The following DENND2B variants were observed in gnomAD, a reference collection of about 807,000 sequenced individuals.
The protein encoded by DENND2B is DENN domain containing 2B.
In DENND2B, 32 loss-of-function variants were observed where a neutral mutation model predicts 116.0. That is an observed-to-expected ratio of 0.28 (90% CI 0.21 to 0.37). The LOEUF is 0.37. DENND2B is among the 10% of genes least tolerant of loss of function. The pLI, the probability that DENND2B is intolerant of heterozygous loss-of-function variation, is 1.00. For missense variants in DENND2B, 1,276 were observed against 1,477.7 expected (o/e 0.86, Z 2.24); for synonymous variants, 588 against 583.9 (o/e 1.01, Z -0.10).
At chr11:8,851,406 T>C (rs986653245) in intron 3 of DENND2B, among the ~76,000 whole-genome samples, 5 of 152,186 alleles carry the variant, frequency 3.3e-5, no homozygotes, top group African/African-American at 7.2e-5. Flanking sequence ...TCAAGCTCCA[T>C]AGCAATCCAA....
chr11:8,903,474 T>TAA (rs35974143), intron 1 of DENND2B, among the ~76,000 whole-genome samples: 281 of 116,250 alleles, frequency 2.4e-3, no homozygotes, highest in African/African-American at 8.2e-3. Flanking sequence ...ACCAAGATGT[T>TAA]AAAAAAAAAA....
In DENND2B at chr11:8,849,322, G is replaced by T. The variant is rs2568052; in HGVS notation, c.-156+8021C>A. Among the ~76,000 whole-genome samples, 255 of 151,432 alleles carry T rather than the reference G, an allele frequency of 1.7e-3. 1 individual carries two copies. The highest frequency in any genetic ancestry group is 5.5e-3 in the East Asian group (28 of 5,108). On this transcript the variant is annotated intron_variant, in intron 3 of 6. Transcript: ENST00000524757. ...AGCCTGACCAACGTGGTGAAACCCC[G>T]TCTCTACTAAAAACACAAAAATTTG...
intron 4 of DENND2B, among the ~76,000 whole-genome samples, chr11:8,833,550 C>T (rs942149638): frequency 2.0e-5 from 3 of 152,112 alleles, no homozygotes; most frequent in Admixed American, 6.5e-5. Flanking sequence ...TATAGACACA[C>T]GTCTGTTCTT....
chr11:8,881,653 A>G (rs1594335653), intron 1 of DENND2B, among the ~76,000 whole-genome samples: 1 of 152,162 alleles, frequency 6.6e-6, no homozygotes, highest in South Asian at 2.1e-4. Flanking sequence ...CTTGTGCCTC[A>G]GCCTCCTGAG....
At position 8,696,656 on chromosome 11, in the gene DENND2B, G is replaced by A. The variant is rs148715601; in HGVS notation, c.3063C>T (p.Thr1021=). 347 of 1,613,768 alleles carry A rather than the reference G, an allele frequency of 2.2e-4. No homozygotes were observed. The highest frequency in any genetic ancestry group is 2.6e-4 in the Non-Finnish European group (306 of 1,179,866). ...ACACCTCCGACACCAGCCCATTGAGGGTATTACATTCTGGAAGGGAAAAGA... is the reference window on the plus strand; with the variant it reads ...ACACCTCCGACACCAGCCCATTGAGAGTATTACATTCTGGAAGGGAAAAGA... The part of the protein sequence containing the change: ...SDSDSDDECN[T]LNGLVSEVFI... The change falls in exon 18 of 20, where the codon ACC becomes ACT. Residue 1021 remains threonine, a synonymous_variant. Transcript: ENST00000313726.
upstream of DENND2B, among the ~76,000 whole-genome samples, chr11:8,812,997 T>C (rs1221011078): frequency 6.6e-6 from 1 of 151,274 alleles, no homozygotes. Flanking sequence ...TTGCCCAGGC[T>C]GGTCTTGAAC....
intron 3 of DENND2B, among the ~76,000 whole-genome samples, chr11:8,847,993 G>A (rs7952562): frequency 0.031 from 4,711 of 152,176 alleles, 236 homozygotes; most frequent in African/African-American, 0.11. Flanking sequence ...TTTGCTCTGA[G>A]TACAAAAGAT....
Position 8,730,614 on chromosome 11 carries a change from G to C in DENND2B, c.676C>G (p.Arg226Gly). 6.2e-7 allele frequency: 1 copy of C among 1,613,032 alleles called. No homozygotes were observed. Among genetic ancestry groups the C allele is most frequent in the Non-Finnish European group, 8.5e-7 (1 of 1,179,994 alleles). Reference protein sequence around the residue: ...SEKTFDFKGLRRMSRTFSECS... With the variant: ...SEKTFDFKGLGRMSRTFSECS... Reference sequence around the variant, plus strand: ...TCGGAGAAGGTCCTGCTCATCCTCCGGAGGCCCTTGAAATCAAAGGTCTTT... The same window carrying C: ...TCGGAGAAGGTCCTGCTCATCCTCCCGAGGCCCTTGAAATCAAAGGTCTTT... Residue 226 changes from arginine to glycine, a missense_variant, in exon 3 of 20, where the codon CGG becomes GGG. Arg to Gly is a moderately radical substitution (Grantham distance 125). Around this residue, in one of 2 missense-constraint regions of DENND2B, gnomAD observed 856 missense variants for 846.6 expected, o/e 1.01. Transcript: ENST00000313726. This position sits in a 1 kb window ranked among gnomAD's most constrained non-coding sequence, Gnocchi z 4.1.
intron 1 of DENND2B, among the ~76,000 whole-genome samples, chr11:8,752,192 C>A (rs2052641834): frequency 6.6e-6 from 1 of 152,180 alleles, no homozygotes; most frequent in Non-Finnish European, 1.5e-5. Context: ...GTGGCTCACG[C>A]CTGTAATCCC....
At chr11:8,869,433 C>T (rs1397923525) in intron 2 of DENND2B, among the ~76,000 whole-genome samples, 1 of 152,202 alleles carries the variant, frequency 6.6e-6, no homozygotes, top group Non-Finnish European at 1.5e-5. Flanking sequence ...GAGGCCCAGG[C>T]GGGTGGATCA....
upstream of DENND2B, among the ~76,000 whole-genome samples, chr11:8,871,847 G>C (rs944132979): frequency 3.3e-5 from 5 of 152,172 alleles, no homozygotes; most frequent in African/African-American, 1.2e-4. Flanking sequence ...GAAATCATTA[G>C]CCCAGTATAA....
At chr11:8,890,064 C>G (rs953111139) in intron 1 of DENND2B, among the ~76,000 whole-genome samples, 1 of 152,170 alleles carries the variant, frequency 6.6e-6, no homozygotes, top group Admixed American at 6.5e-5. Context: ...AACGATCAGG[C>G]AGCAACATTT....
chr11:8,720,242 C>G (rs78311546), intron 4 of DENND2B, among the ~76,000 whole-genome samples: 1 of 152,024 alleles, frequency 6.6e-6, no homozygotes, highest in Non-Finnish European at 1.5e-5. Flanking sequence ...GACTAGCCCT[C>G]TTTTTTTTCC....
intron 1 of DENND2B, among the ~76,000 whole-genome samples, chr11:8,779,747 C>T (rs2058180710): frequency 6.6e-6 from 1 of 152,142 alleles, no homozygotes. Flanking sequence ...CTCCTGACCT[C>T]AGGTGATCCG....
chr11:8,848,208 G>A (rs2062877804), intron 3 of DENND2B, among the ~76,000 whole-genome samples: 1 of 152,132 alleles, frequency 6.6e-6, no homozygotes, highest in South Asian at 2.1e-4. Flanking sequence ...TAGACTCTTT[G>A]AGCAAGTGAA....
At chr11:8,754,029 G>GCGCGCGCACACACACACACACA (rs146486674) in intron 1 of DENND2B, among the ~76,000 whole-genome samples, 8 of 138,734 alleles carry the variant, frequency 5.8e-5, no homozygotes, top group African/African-American at 2.2e-4. Context: ...CCAAAAGCGC[G>GCGCGCGCACACACACACACACA]CACACACACA....
intron 1 of DENND2B, among the ~76,000 whole-genome samples, chr11:8,795,023 C>A (rs2059695413): frequency 6.6e-6 from 1 of 152,254 alleles, no homozygotes; most frequent in Non-Finnish European, 1.5e-5. Context: ...AACAGCCCTG[C>A]CAGCCAGTAG....
At chr11:8,752,623 T>G (rs1593172060) in intron 1 of DENND2B, among the ~76,000 whole-genome samples, 1 of 152,120 alleles carries the variant, frequency 6.6e-6, no homozygotes, top group East Asian at 1.9e-4. Context: ...TAATACCCAT[T>G]AAAATAAAAG....
At chr11:8,863,366 G>A (rs900557592) in intron 2 of DENND2B, among the ~76,000 whole-genome samples, 1 of 71,760 alleles carries the variant, frequency 1.4e-5, no homozygotes, top group Non-Finnish European at 3.0e-5. Flanking sequence ...CCCAGCAGCT[G>A]GGACTACAGG....
Sources: gnomAD v4.1 joint callset for allele counts (sites outside exome capture counted in the v4.1 genomes callset) on GRCh38, gnomAD v4.1.1 for gene constraint, gnomAD v4.1.1 regional missense constraint, Gnocchi (gnomAD v3.1) non-coding constraint, MANE v1.5 for transcripts, NCBI Gene and HGNC (gene_info 2026-07-23, HGNC 2026-07-21) for gene names.